IGF1R: variants seen among roughly 807,000 people sequenced by gnomAD.
The protein encoded by IGF1R is insulin-like growth factor 1 receptor.
IGF1R carries 44 observed loss-of-function variants against 144.6 expected under a neutral mutation model. The observed-to-expected ratio is 0.30, with a 90% confidence interval of 0.24 to 0.39. The LOEUF (loss-of-function observed/expected upper bound fraction) is 0.39. Ranked by LOEUF, IGF1R falls within the 10% of genes least tolerant of loss-of-function variation. IGF1R has a pLI of 1.00. For missense variants in IGF1R, 1,355 were observed against 1,833.7 expected, an observed-to-expected ratio of 0.74 and a Z score of 4.77; for synonymous variants, 795 against 722.8, an observed-to-expected ratio of 1.10 and a Z score of -1.60.
chr15:98,682,042 A>C lies in IGF1R; in HGVS notation c.95-25520A>C, dbSNP rs1596179283. Among the ~76,000 whole-genome samples the C allele has an allele frequency of 2.0e-5, 3 of 152,158 alleles. No homozygotes were observed. The South Asian group carries it at 6.2e-4, about 32-fold the overall frequency. The stretch of plus-strand genomic sequence containing the variant: ...AGGAATTCACCACCCTTAGGTCCTC[A>C]GGCATAGGGTCTTCTAGGGGCAGGA... On this transcript the variant is annotated intron_variant, in intron 1 of 20. Coordinates refer to ENST00000650285, the MANE Select transcript of IGF1R (RefSeq NM_000875.5).
intron 20 of IGF1R, among the ~76,000 whole-genome samples, chr15:98,956,181 C>T (rs575521861): frequency 5.3e-5 from 8 of 152,362 alleles, no homozygotes; most frequent in East Asian, 1.9e-4. Flanking sequence ...CGGCCACAGC[C>T]GGCAGGACTC....
rs149641364 is a variant in IGF1R at position 98,762,007 on chromosome 15, C to T, written c.640+53900C>T. 1.1e-3 allele frequency among the ~76,000 whole-genome samples: 169 copies of T among 152,276 alleles called. 1 individual carries two copies. Among genetic ancestry groups the T allele is most frequent in the African/African-American group, 3.3e-3 (136 of 41,564 alleles). Reference sequence around the variant, plus strand: ...ATTGCTCTTTACCTGTTATATCAGTCGATCTTGCCTGCCTAGCATTTGTTC... The same window carrying T: ...ATTGCTCTTTACCTGTTATATCAGTTGATCTTGCCTGCCTAGCATTTGTTC... On this transcript the variant is annotated intron_variant, in intron 2 of 20. Coordinates refer to ENST00000650285, the MANE Select transcript of IGF1R (RefSeq NM_000875.5).
chr15:98,926,826 T>C (rs1484796223), intron 13 of IGF1R, among the ~76,000 whole-genome samples: 3 of 152,198 alleles, frequency 2.0e-5, no homozygotes, highest in African/African-American at 7.2e-5. Flanking sequence ...AATTGTTCCA[T>C]CTAGTCCAGT....
intron 5 of IGF1R, among the ~76,000 whole-genome samples, chr15:98,904,612 T>A (rs556875526): frequency 6.6e-6 from 1 of 152,116 alleles, no homozygotes; most frequent in African/African-American, 2.4e-5. Context: ...AATACTCTTA[T>A]CAGTTGCAGA....
Position 98,962,296 on chromosome 15 carries a change from T to C in IGF1R, c.*4854T>C, listed in dbSNP as rs926908989. 9 of 233,364 alleles carry C rather than the reference T, an allele frequency of 3.9e-5. No individual in the cohort carries two copies. Among genetic ancestry groups the C allele is most frequent in the Admixed American group, 1.1e-4 (2 of 17,792 alleles). The allele number at this position is 233,364 out of a possible 1,614,324, so 14.5% of individuals were successfully genotyped here. On this transcript the variant is annotated 3_prime_UTR_variant, in exon 21 of 21. Transcript: ENST00000650285. Reference sequence around the variant, plus strand: ...TGGCCCATTCCAGCAGTCCCAGTTATGCATTTCAAGTTTGGGGTTTGTTCT... The same window carrying C: ...TGGCCCATTCCAGCAGTCCCAGTTACGCATTTCAAGTTTGGGGTTTGTTCT...
At chr15:98,782,258 G>A (rs1031090994) in intron 2 of IGF1R, among the ~76,000 whole-genome samples, 17 of 152,086 alleles carry the variant, frequency 1.1e-4, no homozygotes, top group Admixed American at 8.5e-4. Context: ...TCCATTTTGG[G>A]ATGAAAGGAA....
At chr15:98,686,915 C>A (rs531850617) in intron 1 of IGF1R, among the ~76,000 whole-genome samples, 10 of 152,276 alleles carry the variant, frequency 6.6e-5, no homozygotes, top group African/African-American at 2.4e-4. Flanking sequence ...AGCAGTTCTT[C>A]CACCTGAACC....
At chr15:98,850,564 C>G (rs1448136789) in intron 2 of IGF1R, among the ~76,000 whole-genome samples, 1 of 152,202 alleles carries the variant, frequency 6.6e-6, no homozygotes, top group African/African-American at 2.4e-5. Context: ...TCTGGGAGCA[C>G]AGAGGAGTCA....
chr15:98,851,594 T>A (rs1045819895), intron 2 of IGF1R, among the ~76,000 whole-genome samples: 2 of 152,060 alleles, frequency 1.3e-5, no homozygotes, highest in Admixed American at 6.5e-5. Context: ...TGATTATGCA[T>A]CTAGAGGCAT....
rs1261042621 is a variant in IGF1R at position 98,960,459 on chromosome 15, G to GA, written c.*3019dup. On this transcript the variant is annotated 3_prime_UTR_variant, in exon 21 of 21. Transcript: ENST00000650285. The stretch of plus-strand genomic sequence containing the variant: ...GGAACAAACTGCTTCTGTGCAGATG[G>GA]AATGACCAACACATTTCGTCCTTAA... 4.4e-6 allele frequency: 1 copy of GA among 225,046 alleles called. No homozygotes were observed. Among genetic ancestry groups the GA allele is most frequent in the Non-Finnish European group, 8.8e-6 (1 of 113,616 alleles). The allele number at this position is 225,046 out of a possible 1,614,324, so 13.9% of individuals were successfully genotyped here. A position where few individuals can be genotyped will look rare whatever the true frequency, so the allele number is the denominator to read the frequency against.
chr15:98,706,319 A>G (rs1255303023), intron 1 of IGF1R, among the ~76,000 whole-genome samples: 1 of 152,230 alleles, frequency 6.6e-6, no homozygotes, highest in Non-Finnish European at 1.5e-5. Context: ...TTAATAGTGT[A>G]CTTGGGATTA....
chr15:98,653,445 A>G (rs1156800227), intron 1 of IGF1R, among the ~76,000 whole-genome samples: 1 of 152,372 alleles, frequency 6.6e-6, no homozygotes. Context: ...TGAACAGAAC[A>G]GTTCATTTTA....
At position 98,961,455 on chromosome 15, in the gene IGF1R, A is replaced by G. The variant is rs779066584; in HGVS notation, c.*4013A>G. 8.6e-6 allele frequency: 2 copies of G among 233,400 alleles called. No homozygotes were observed. The highest frequency in any genetic ancestry group is 1.7e-5 in the Non-Finnish European group (2 of 118,000). The allele number at this position is 233,400 out of a possible 1,614,324, so 14.5% of individuals were successfully genotyped here. A position where few individuals can be genotyped will look rare whatever the true frequency, so the allele number is the denominator to read the frequency against. On this transcript the variant is annotated 3_prime_UTR_variant, in exon 21 of 21. Coordinates refer to ENST00000650285, the MANE Select transcript of IGF1R (RefSeq NM_000875.5). The stretch of plus-strand genomic sequence containing the variant: ...ATGGTGCAGTCACTTTACTGGACCA[A>G]CCCACCCACCTTGACTATACCAAGG...
chr15:98,773,318 T>C (rs1415438629), intron 2 of IGF1R, among the ~76,000 whole-genome samples: 1 of 152,152 alleles, frequency 6.6e-6, no homozygotes, highest in Non-Finnish European at 1.5e-5. Flanking sequence ...GGCCTCAATG[T>C]TCAGCTTTAC....
At chr15:98,775,727 A>G (rs1296227758) in intron 2 of IGF1R, among the ~76,000 whole-genome samples, 2 of 152,216 alleles carry the variant, frequency 1.3e-5, no homozygotes, top group Non-Finnish European at 2.9e-5. Context: ...CTCCCAGGTC[A>G]GAATCCCCTG....
At chr15:98,871,529 C>T (rs1226196446) in intron 2 of IGF1R, among the ~76,000 whole-genome samples, 1 of 152,194 alleles carries the variant, frequency 6.6e-6, no homozygotes, top group Non-Finnish European at 1.5e-5. Flanking sequence ...AGTCCATTTT[C>T]ACACTGCTGA....
chr15:98,864,174 G>A (rs565708997), intron 2 of IGF1R, among the ~76,000 whole-genome samples: 22 of 152,258 alleles, frequency 1.4e-4, no homozygotes, highest in African/African-American at 5.1e-4. Flanking sequence ...AGGATCACCT[G>A]AGTTCAGGAG....
At chr15:98,749,628 G>A (rs1358266314) in intron 2 of IGF1R, among the ~76,000 whole-genome samples, 1 of 152,186 alleles carries the variant, frequency 6.6e-6, no homozygotes, top group Non-Finnish European at 1.5e-5. Context: ...GAATGTAATA[G>A]CAATCGTCTA....
At chr15:98,740,498 C>T (rs576861676) in intron 2 of IGF1R, among the ~76,000 whole-genome samples, 1 of 152,218 alleles carries the variant, frequency 6.6e-6, no homozygotes, top group Non-Finnish European at 1.5e-5. Flanking sequence ...TGCAGCCTTG[C>T]TGCCAAATCA....
Sources: gnomAD v4.1 joint callset for allele counts (sites outside exome capture counted in the v4.1 genomes callset) on GRCh38, gnomAD v4.1.1 for gene constraint, MANE v1.5 for transcripts, NCBI Gene and HGNC (gene_info 2026-07-23, HGNC 2026-07-21) for gene names.